Variants in NCOR2 observed in about 807,000 individuals in gnomAD.
NCOR2 encodes the protein nuclear receptor corepressor 2.
In NCOR2, 81 loss-of-function variants were observed where a neutral mutation model predicts 262.9. The ratio of observed to expected loss-of-function variants is 0.31; its 90% CI spans 0.26 to 0.37. The LOEUF is 0.37. Among genes scored for constraint, NCOR2 ranks in the 10% least tolerant of loss-of-function variants. The pLI, the probability that NCOR2 is intolerant of heterozygous loss-of-function variation, is 1.00. For synonymous variants in NCOR2, 1,659 were observed against 1,559.3 expected, an observed-to-expected ratio of 1.06 and a Z score of -1.51; for missense variants, 3,385 against 3,621.4, an observed-to-expected ratio of 0.93 and a Z score of 1.68.
At position 124,344,963 on chromosome 12, in the gene NCOR2, G is replaced by A. The variant is rs1234725450; in HGVS notation, c.4360-12C>T. On this transcript the variant is annotated splice_polypyrimidine_tract_variant and intron_variant, in intron 31 of 46. Transcript: ENST00000405201. ...TTGAGCGGGGTGCCCTGGGGCAGAG[G>A]GGATGTAAGCTCTAGCCCTGGCCAC... is the stretch of plus-strand genomic sequence containing the variant. 1 of 1,525,858 alleles carries A rather than the reference G, an allele frequency of 6.6e-7. No individual in the cohort carries two copies. The highest frequency in any genetic ancestry group is 1.2e-5 in the South Asian group (1 of 81,434). The allele number at this position is 1,525,858 out of a possible 1,614,324, so 94.5% of individuals were successfully genotyped here.
At chr12:124,487,736 T>A (rs905584609) in intron 1 of NCOR2, among the ~76,000 whole-genome samples, 2 of 152,272 alleles carry the variant, frequency 1.3e-5, no homozygotes, top group African/African-American at 4.8e-5. Context: ...TGTACGGTCT[T>A]CCTGCTTAAC....
intron 13 of NCOR2, among the ~76,000 whole-genome samples, chr12:124,402,934 G>A (rs553644594): frequency 1.3e-5 from 2 of 152,308 alleles, no homozygotes; most frequent in South Asian, 2.1e-4. Context: ...CAGCATGCCT[G>A]TGCCTCAGCT....
At chr12:124,329,150 G>C (rs1380752961) in intron 44 of NCOR2, 1 of 469,926 alleles carries the variant, frequency 2.1e-6, no homozygotes, top group Non-Finnish European at 4.4e-6. Flanking sequence ...TCTTCTTGTG[G>C]ACTAAAACTG....
intron 1 of NCOR2, among the ~76,000 whole-genome samples, chr12:124,560,487 G>A (rs1250843549): frequency 6.6e-6 from 1 of 152,220 alleles, no homozygotes; most frequent in African/African-American, 2.4e-5. Context: ...ACAGGTGGTG[G>A]GCTGGCCGGA....
intron 4 of NCOR2, among the ~76,000 whole-genome samples, chr12:124,470,548 T>TA (rs1185284361): frequency 2.0e-4 from 31 of 152,242 alleles, no homozygotes; most frequent in African/African-American, 7.0e-4. Flanking sequence ...GACAACATGA[T>TA]AAACTCCAAA....
intron 27 of NCOR2, among the ~76,000 whole-genome samples, chr12:124,353,277 A>AGTAG (rs1305483593): frequency 6.6e-6 from 1 of 152,224 alleles, no homozygotes; most frequent in Non-Finnish European, 1.5e-5. Flanking sequence ...TGCCTGTCTG[A>AGTAG]GTAGGTGGTG....
At chr12:124,345,058 G>C in intron 31 of NCOR2, 107 bp from the exon 34 acceptor site, 3 of 996,504 alleles carry the variant, frequency 3.0e-6, no homozygotes, top group Non-Finnish European at 4.3e-6. Flanking sequence ...AGATGGAAGT[G>C]ACATCTGATG....
chr12:124,460,609 T>C (rs1018254569), intron 5 of NCOR2, among the ~76,000 whole-genome samples: 5 of 152,212 alleles, frequency 3.3e-5, no homozygotes, highest in African/African-American at 1.2e-4. Flanking sequence ...GGGCAGGCCC[T>C]GTCTCCCTGC....
At chr12:124,537,249 T>C (rs1371895252), upstream of NCOR2, among the ~76,000 whole-genome samples, 3 of 152,264 alleles carry the variant, frequency 2.0e-5, no homozygotes, top group Non-Finnish European at 4.4e-5. Flanking sequence ...GAGGGGTTTA[T>C]ACATTCTTTA....
intron 4 of NCOR2, among the ~76,000 whole-genome samples, chr12:124,468,122 C>T (rs186052089): frequency 1.8e-4 from 10 of 56,048 alleles, no homozygotes; most frequent in African/African-American, 6.8e-4. Context: ...CTCATCACCC[C>T]TTCATCCTCA....
At chr12:124,528,424 G>C (rs190872327) in intron 1 of NCOR2, among the ~76,000 whole-genome samples, 18 of 152,314 alleles carry the variant, frequency 1.2e-4, no homozygotes, top group Admixed American at 1.2e-3. Flanking sequence ...GGAAAAAGGA[G>C]AAGGAGGCCC....
chr12:124,344,573 C>G, intron 32 of NCOR2, 24 bp downstream of exon 34: 1 of 1,430,396 alleles, frequency 7.0e-7, no homozygotes, highest in Non-Finnish European at 9.2e-7. Context: ...CCACCCCACT[C>G]ACGCCCATGC....
chr12:124,554,676 T>C (rs1226575098), intron 1 of NCOR2, among the ~76,000 whole-genome samples: 2 of 152,210 alleles, frequency 1.3e-5, no homozygotes, highest in South Asian at 2.1e-4. Flanking sequence ...ACACACCCGA[T>C]GCGCAGCACG....
chr12:124,417,032 C>T (rs1478358926), intron 13 of NCOR2, among the ~76,000 whole-genome samples: 1 of 150,150 alleles, frequency 6.7e-6, no homozygotes, highest in Non-Finnish European at 1.5e-5. Flanking sequence ...GCAAGCCGGA[C>T]ACTCACTCCT....
exon 14 of NCOR2, chr12:124,402,535 C>CTGT (rs1700112491): frequency 6.4e-7 from 1 of 1,570,186 alleles, no homozygotes. Context: ...GCTGCTGCTG[C>CTGT]TGCTGCTGCT....
chr12:124,436,289 G>C (rs2136396825), intron 8 of NCOR2, among the ~76,000 whole-genome samples: 1 of 152,318 alleles, frequency 6.6e-6, no homozygotes, highest in Non-Finnish European at 1.5e-5. Context: ...GGCCTCTCTG[G>C]AGGCCCAGAA....
intron 7 of NCOR2, among the ~76,000 whole-genome samples, chr12:124,439,171 AGAGACCCAGAGAGAGAGAGACG>A (rs2044632884): frequency 6.6e-6 from 1 of 152,060 alleles, no homozygotes; most frequent in African/African-American, 2.4e-5. Flanking sequence ...AGAGGGAAAC[AGAGACCCAGAGAGAGAGAGACG>A]GAGACCCAGA....
chr12:124,451,348 G>T (rs2045520165), intron 6 of NCOR2, among the ~76,000 whole-genome samples: 1 of 152,182 alleles, frequency 6.6e-6, no homozygotes, highest in Non-Finnish European at 1.5e-5. Context: ...CTAAATGTGG[G>T]GCTGCTTTGT....
At chr12:124,377,424 A>G (rs935293719) in intron 18 of NCOR2, among the ~76,000 whole-genome samples, 9 of 152,208 alleles carry the variant, frequency 5.9e-5, no homozygotes, top group African/African-American at 2.2e-4. Flanking sequence ...TTATCACTCA[A>G]ATAGGGACAC....
Sources: gnomAD v4.1 joint callset for allele counts (sites outside exome capture counted in the v4.1 genomes callset) on GRCh38, gnomAD v4.1.1 for gene constraint, MANE v1.5 for transcripts, NCBI Gene and HGNC (gene_info 2026-07-23, HGNC 2026-07-21) for gene names.